DENND4C: variants seen among roughly 807,000 people sequenced by gnomAD.
The protein encoded by DENND4C is DENN domain-containing protein 4C.
Under a neutral mutation model 203.0 loss-of-function variants are expected in DENND4C, and 108 were observed. That is an observed-to-expected ratio of 0.53 (90% CI 0.46 to 0.62). The LOEUF (loss-of-function observed/expected upper bound fraction) is 0.62. Ranked by LOEUF, DENND4C falls within the 20% of genes least tolerant of loss-of-function variation. The pLI, the probability that DENND4C is intolerant of heterozygous loss-of-function variation, is 0.00. For synonymous variants in DENND4C, 871 were observed against 792.4 expected (o/e 1.10, Z -1.67); for missense variants, 2,481 against 2,301.2 (o/e 1.08, Z -1.60).
intron 1 of DENND4C, among the ~76,000 whole-genome samples, chr9:19,242,559 T>G (rs1230178658): frequency 6.6e-6 from 1 of 152,226 alleles, no homozygotes; most frequent in Non-Finnish European, 1.5e-5. Flanking sequence ...ATGTTAGAGT[T>G]CCTGTTCGCA....
intron 1 of DENND4C, among the ~76,000 whole-genome samples, chr9:19,249,144 A>C (rs1825955238): frequency 6.6e-6 from 1 of 151,960 alleles, no homozygotes; most frequent in Admixed American, 6.6e-5. Flanking sequence ...TTCCAACCGT[A>C]ATATAAGCTC....
chr9:19,307,895 C>G (rs753208281), intron 10 of DENND4C, among the ~76,000 whole-genome samples: 4 of 151,956 alleles, frequency 2.6e-5, no homozygotes, highest in Non-Finnish European at 5.9e-5. Context: ...TGGATAAACT[C>G]CAAATCCAAC....
At chr9:19,259,106 A>G (rs1172123912) in intron 1 of DENND4C, among the ~76,000 whole-genome samples, 1 of 152,078 alleles carries the variant, frequency 6.6e-6, no homozygotes, top group Non-Finnish European at 1.5e-5. Context: ...CGAACATTCC[A>G]ATGGTACTTT....
At chr9:19,337,634 G>T (rs994238711) in intron 20 of DENND4C, 9 of 1,287,810 alleles carry the variant, frequency 7.0e-6, no homozygotes, top group African/African-American at 1.5e-5. Context: ...ATGGATACAC[G>T]TGTGCATTAA....
intron 1 of DENND4C, among the ~76,000 whole-genome samples, chr9:19,236,126 T>A (rs905786196): frequency 2.0e-5 from 3 of 152,028 alleles, no homozygotes; most frequent in African/African-American, 4.8e-5. Flanking sequence ...ATGTTATAAA[T>A]CTTTTTTTAA....
At chr9:19,362,649 A>G (rs1826755722) in intron 30 of DENND4C, among the ~76,000 whole-genome samples, 1 of 151,662 alleles carries the variant, frequency 6.6e-6, no homozygotes, top group Admixed American at 6.6e-5. Flanking sequence ...TTTTTTGGTG[A>G]TTTTTCTATC....
At chr9:19,256,309 G>GTTT (rs1165191635) in intron 1 of DENND4C, among the ~76,000 whole-genome samples, 4 of 84,878 alleles carry the variant, frequency 4.7e-5, no homozygotes, top group African/African-American at 1.0e-4. Context: ...TTTTTTTTTT[G>GTTT]TTTTTTTTTT....
intron 10 of DENND4C, among the ~76,000 whole-genome samples, chr9:19,308,953 C>T (rs1420259076): frequency 6.6e-6 from 1 of 152,046 alleles, no homozygotes; most frequent in Non-Finnish European, 1.5e-5. Context: ...CATGAATGAA[C>T]CTTGAAAACA....
intron 30 of DENND4C, among the ~76,000 whole-genome samples, chr9:19,366,568 C>A (rs1334550008): frequency 3.3e-5 from 5 of 152,050 alleles, no homozygotes; most frequent in Admixed American, 3.3e-4. Flanking sequence ...TGCGCCACTG[C>A]ACTCCAGCCT....
rs1563805700 is a variant in DENND4C, at chr9:19,326,121, A to G, written c.2047A>G (p.Ser683Gly). The G allele has an allele frequency of 5.0e-6, 8 of 1,613,424 alleles. No homozygotes were observed. Among genetic ancestry groups the G allele is most frequent in the Non-Finnish European group, 6.8e-6 (8 of 1,179,702 alleles). Residue 683 changes from serine to glycine, a missense_variant, in exon 15 of 33, where the codon AGT (serine) becomes GGT (glycine). By Grantham distance (56) the Ser-to-Gly change is moderately conservative (BLOSUM62 0). This residue lies in a region of DENND4C where 2,289 missense variants were observed against 2,113.3 expected (regional missense o/e 1.08). Coordinates refer to ENST00000434457, the MANE Select transcript of DENND4C (RefSeq NM_001330640.2). The part of the protein sequence containing the change: ...RLIELDDSQK[S>G]EHTVFIMPPE... ...GATAGAACTAGATGATTCACAGAAA[A>G]GTGAGCATACTGTATTTATAATGCC...
intron 27 of DENND4C, chr9:19,357,356 C>CA (rs1825653028): frequency 2.0e-6 from 1 of 507,754 alleles, no homozygotes; most frequent in Admixed American, 3.7e-5. Flanking sequence ...TAATATTTTA[C>CA]AGTTGTCTTT....
intron 2 of DENND4C, among the ~76,000 whole-genome samples, chr9:19,277,957 A>G (rs1386226797): frequency 6.6e-6 from 1 of 151,324 alleles, no homozygotes; most frequent in South Asian, 2.1e-4. Flanking sequence ...TATTACATTG[A>G]TTTTCTTTTG....
rs374488029 is a variant in DENND4C at position 19,358,526 on chromosome 9, A to G, written c.5160+366A>G. 4.7e-4 allele frequency among the ~76,000 whole-genome samples: 71 copies of G among 151,960 alleles called. 2 individuals are homozygous for G. In the South Asian group the frequency reaches 0.013, roughly 28 times the overall value. On this transcript the variant is annotated intron_variant, in intron 28 of 32. Coordinates refer to ENST00000434457, the MANE Select transcript of DENND4C (RefSeq NM_001330640.2). This position sits in a 1 kb window ranked among gnomAD's most constrained non-coding sequence, Gnocchi z 4.8. ...GAGGACTTTAGAAAAATATAATCAC[A>G]CTGCTTTTATCATACAAAAAAAACC...
intron 13 of DENND4C, 139 bp from the exon 14 acceptor site, chr9:19,325,800 C>G (rs983783642): frequency 1.3e-5 from 10 of 771,294 alleles, no homozygotes; most frequent in African/African-American, 1.2e-4. Flanking sequence ...TGTATTCAGC[C>G]TAAAAATATA....
At position 19,352,556 on chromosome 9, in the gene DENND4C, G is replaced by A. The variant is rs780983180; in HGVS notation, c.4672G>A (p.Ala1558Thr). The change falls in exon 26 of 33, where the codon GCT becomes ACT. Residue 1558 changes from alanine to threonine, a missense_variant. Ala to Thr is a moderately conservative substitution (Grantham distance 58, BLOSUM62 0). Around this residue, in one of 3 missense-constraint regions of DENND4C, gnomAD observed 2,289 missense variants for 2,113.3 expected, o/e 1.08. Transcript: ENST00000434457. ...GALVYDEEIM[A>T]GWTADDSNLN... ...TTTAGTTTATGATGAAGAAATTATG[G>A]CTGGATGGACAGCAGATGACTCAAA... 3 of 1,613,650 alleles carry A rather than the reference G, an allele frequency of 1.9e-6. No homozygotes were observed.
chr9:19,240,902 G>T (rs1337626623), intron 1 of DENND4C, among the ~76,000 whole-genome samples: 1 of 152,160 alleles, frequency 6.6e-6, no homozygotes, highest in Non-Finnish European at 1.5e-5. Flanking sequence ...GGCAGAGGTT[G>T]CAGTGAGCCG....
chr9:19,309,044 A>C (rs890343638), intron 10 of DENND4C, among the ~76,000 whole-genome samples: 1 of 152,222 alleles, frequency 6.6e-6, no homozygotes, highest in African/African-American at 2.4e-5. Flanking sequence ...TAGATTGATT[A>C]GTGATTGCCT....
At chr9:19,339,105 TTTA>T (rs1196046941) in intron 20 of DENND4C, among the ~76,000 whole-genome samples, 1 of 152,182 alleles carries the variant, frequency 6.6e-6, no homozygotes, top group Admixed American at 6.5e-5. Flanking sequence ...CCACATTTCC[TTTA>T]TTATTTTCAT....
At chr9:19,279,995 G>T (rs1297433094) in intron 2 of DENND4C, among the ~76,000 whole-genome samples, 2 of 145,208 alleles carry the variant, frequency 1.4e-5, no homozygotes, top group African/African-American at 5.1e-5. Flanking sequence ...CAGTGGAGAA[G>T]GAAGGGTAGG....
Sources: allele counts gnomAD v4.1 joint callset (sites outside exome capture counted in the v4.1 genomes callset), GRCh38; gene constraint gnomAD v4.1.1; regional missense constraint gnomAD v4.1.1; non-coding constraint Gnocchi (gnomAD v3.1); transcripts MANE v1.5; gene names NCBI Gene and HGNC (gene_info 2026-07-23, HGNC 2026-07-21).